Variants in SVOPL observed in about 807,000 individuals in gnomAD.
SVOPL encodes the protein SVOP like.
In SVOPL, 60 loss-of-function variants were observed where a neutral mutation model predicts 61.0. The observed-to-expected ratio is 0.98, with a 90% CI of 0.80 to 1.22. The LOEUF (loss-of-function observed/expected upper bound fraction) is 1.22, where lower values mean the gene tolerates loss of function less well. Among genes scored for constraint, SVOPL ranks in the 50% most tolerant of loss-of-function variants. The probability of loss-of-function intolerance (pLI) is 0.00; values close to 1 mark genes in which losing one functional copy is unlikely to be tolerated. For missense variants in SVOPL, 662 were observed against 643.9 expected (o/e 1.03, Z -0.30); for synonymous variants, 279 against 250.0 (o/e 1.12, Z -1.09).
At chr7:138,661,485 A>G (rs1801997878) in intron 5 of SVOPL, 5 of 983,584 alleles carry the variant, frequency 5.1e-6, no homozygotes, top group Non-Finnish European at 6.0e-6. Context: ...CTCCGGTCAC[A>G]TTCCCGCACC....
At chr7:138,685,877 A>T (rs1043034904) in intron 1 of SVOPL, among the ~76,000 whole-genome samples, 2 of 150,722 alleles carry the variant, frequency 1.3e-5, no homozygotes, top group South Asian at 4.3e-4. Flanking sequence ...CTCAAAAAAA[A>T]AATAAAATAA....
intron 4 of SVOPL, among the ~76,000 whole-genome samples, chr7:138,671,400 C>T (rs752190788): frequency 1.2e-4 from 19 of 152,106 alleles, no homozygotes; most frequent in Admixed American, 3.3e-4. Flanking sequence ...CAGGCTGGAG[C>T]GCAATGGCGT....
intron 2 of SVOPL, 47 bp from the exon 3 acceptor site, chr7:138,678,572 G>T (rs1043821588): frequency 7.2e-6 from 11 of 1,526,750 alleles, no homozygotes; most frequent in Non-Finnish European, 9.8e-6. Context: ...GCAGGGAAGG[G>T]AATGCGTGTG....
intron 14 of SVOPL, among the ~76,000 whole-genome samples, chr7:138,612,622 T>G (rs1799104946): frequency 6.6e-6 from 1 of 151,782 alleles, no homozygotes; most frequent in African/African-American, 2.4e-5. Flanking sequence ...TCTAAGGGAT[T>G]CTCCTGCCTC....
intron 1 of SVOPL, among the ~76,000 whole-genome samples, chr7:138,687,360 C>T (rs1350459607): frequency 6.6e-6 from 1 of 150,422 alleles, no homozygotes; most frequent in Non-Finnish European, 1.5e-5. Flanking sequence ...CTCAGCCTCC[C>T]GAGTAGCTGG....
chr7:138,638,476 A>G (rs1800612307), intron 9 of SVOPL, among the ~76,000 whole-genome samples: 1 of 152,146 alleles, frequency 6.6e-6, no homozygotes, highest in African/African-American at 2.4e-5. Flanking sequence ...TTGGAAGACA[A>G]TAATTGGCAA....
At chr7:138,668,495 A>ATCTCAT (rs1802332079) in intron 4 of SVOPL, among the ~76,000 whole-genome samples, 1 of 152,008 alleles carries the variant, frequency 6.6e-6, no homozygotes, top group Admixed American at 6.6e-5. Flanking sequence ...TTGCCTCAAT[A>ATCTCAT]TCTCATTTGG....
intron 1 of SVOPL, among the ~76,000 whole-genome samples, chr7:138,685,575 A>T (rs7789413): frequency 0.3 from 45,052 of 152,090 alleles, 7,511 homozygotes; most frequent in African/African-American, 0.43. Flanking sequence ...TTTGCCAGAA[A>T]GGTAGATCTT....
At chr7:138,680,397 C>A (rs906052266) in intron 1 of SVOPL, among the ~76,000 whole-genome samples, 3 of 152,168 alleles carry the variant, frequency 2.0e-5, no homozygotes, top group African/African-American at 7.2e-5. Flanking sequence ...GATCCGCCTG[C>A]CTTGGCTTCC....
intron 1 of SVOPL, among the ~76,000 whole-genome samples, chr7:138,685,738 G>C (rs1802794417): frequency 6.6e-6 from 1 of 151,838 alleles, no homozygotes; most frequent in South Asian, 2.1e-4. Context: ...CGGGTGCAGT[G>C]GTGGGCACCT....
intron 5 of SVOPL, chr7:138,661,021 C>A (rs1260418533): frequency 9.2e-6 from 9 of 983,216 alleles, no homozygotes; most frequent in Admixed American, 6.2e-5. Flanking sequence ...ATTTGTATTT[C>A]TTTTATAAAA....
chr7:138,594,613 T>C lies in SVOPL; in HGVS notation c.1476A>G (p.Lys492=). 6.3e-7 allele frequency: 1 copy of C among 1,596,250 alleles called. No homozygotes were observed. Among genetic ancestry groups the C allele is most frequent in the East Asian group, 2.3e-5 (1 of 44,266 alleles). ...GTAGACATAGCTTTGCAGGTCTTCA[T>C]TTAATTTGCTGGAAGAAAGTTATTT... ...ETKGRALQQI[K] The change falls in exon 16 of 16, where the codon AAA becomes AAG. Residue 492 remains lysine (K), a synonymous_variant. Coordinates refer to ENST00000674285, the MANE Select transcript of SVOPL (RefSeq NM_001139456.2).
intron 14 of SVOPL, among the ~76,000 whole-genome samples, chr7:138,617,778 G>A (rs746394626): frequency 6.6e-6 from 1 of 152,142 alleles, no homozygotes; most frequent in African/African-American, 2.4e-5. Flanking sequence ...TGAGGCTGTA[G>A]TGAGCCCTGA....
At chr7:138,615,966 G>C (rs1285893558) in intron 14 of SVOPL, among the ~76,000 whole-genome samples, 1 of 147,192 alleles carries the variant, frequency 6.8e-6, no homozygotes, top group African/African-American at 2.5e-5. Flanking sequence ...ACTAGACCCA[G>C]TTTAAGAAAG....
chr7:138,599,871 G>A lies in SVOPL; in HGVS notation c.1354-3341C>T, dbSNP rs556009326. 4.3e-4 allele frequency among the ~76,000 whole-genome samples: 63 copies of A among 146,372 alleles called. No individual in the cohort carries two copies. The Middle Eastern group carries it at 0.011, about 25-fold the overall frequency. ...CCACTGCACTCCAGCCTGGACGATGGAGCGAGACTCCGTCTCAAAAAAAAA... is the reference window on the plus strand; with the variant it reads ...CCACTGCACTCCAGCCTGGACGATGAAGCGAGACTCCGTCTCAAAAAAAAA... On this transcript the variant is annotated intron_variant, in intron 14 of 15. Coordinates refer to ENST00000674285, the MANE Select transcript of SVOPL (RefSeq NM_001139456.2).
At chr7:138,662,362 C>T in intron 5 of SVOPL, 4 of 985,426 alleles carry the variant, frequency 4.1e-6, no homozygotes, top group Non-Finnish European at 4.8e-6. Flanking sequence ...TAGTTTCAAA[C>T]AGATAGGTGC....
intron 13 of SVOPL, among the ~76,000 whole-genome samples, chr7:138,624,903 T>C (rs1353448082): frequency 6.6e-6 from 1 of 152,016 alleles, no homozygotes; most frequent in Non-Finnish European, 1.5e-5. Flanking sequence ...CATTTTGGTT[T>C]CCTTGCCAGG....
rs1009537163 is a variant in SVOPL, at chr7:138,660,508, G to A, written c.346-520C>T. The A allele has an allele frequency of 8.1e-6, 8 of 985,916 alleles. No homozygotes were observed. In the African/African-American group the frequency reaches 1.0e-4, roughly 13 times the overall value. 61.1% of individuals were successfully genotyped at this position (985,916 alleles called of 1,614,324 possible). On this transcript the variant is annotated intron_variant, in intron 5 of 15. Coordinates refer to ENST00000674285, the MANE Select transcript of SVOPL (RefSeq NM_001139456.2). ...TTCTCTGTTTATGAGAGAAAACGAA[G>A]TGTTAATGGCTGGCTATAAATGTTC...
intron 9 of SVOPL, among the ~76,000 whole-genome samples, chr7:138,634,733 T>C (rs967926857): frequency 6.6e-6 from 1 of 151,160 alleles, no homozygotes; most frequent in East Asian, 2.0e-4. Flanking sequence ...GAGGCTGAGA[T>C]GGGAGGATTG....
Sources: allele counts gnomAD v4.1 joint callset (sites outside exome capture counted in the v4.1 genomes callset), GRCh38; gene constraint gnomAD v4.1.1; transcripts MANE v1.5; gene names NCBI Gene and HGNC (gene_info 2026-07-23, HGNC 2026-07-21).